FUBP3: variants seen among roughly 807,000 people sequenced by gnomAD.
The protein encoded by FUBP3 is far upstream element-binding protein 3.
FUBP3 carries 28 observed loss-of-function variants against 85.6 expected under a neutral mutation model. The observed-to-expected ratio is 0.33, with a 90% CI of 0.24 to 0.45. The LOEUF (loss-of-function observed/expected upper bound fraction) is 0.45. Among genes scored for constraint, FUBP3 ranks in the 20% least tolerant of loss-of-function variants. The probability of loss-of-function intolerance (pLI) is 1.00; values close to 1 mark genes in which losing one functional copy is unlikely to be tolerated. For missense variants in FUBP3, 583 were observed against 755.1 expected, an observed-to-expected ratio of 0.77 and a Z score of 2.67; for synonymous variants, 271 against 271.4, an observed-to-expected ratio of 1.00 and a Z score of 0.01.
At chr9:130,591,548 T>G (rs1463042413) in intron 1 of FUBP3, among the ~76,000 whole-genome samples, 2 of 152,200 alleles carry the variant, frequency 1.3e-5, no homozygotes, top group Non-Finnish European at 2.9e-5. Flanking sequence ...GTATATTGCT[T>G]CTTTACAGAA....
rs1830046604 is a variant in FUBP3 at position 130,579,702 on chromosome 9, C to A, written c.22C>A (p.Gln8Lys). 4.7e-6 allele frequency: 6 copies of A among 1,266,140 alleles called. No individual in the cohort carries two copies. Among genetic ancestry groups the A allele is most frequent in the Non-Finnish European group, 6.0e-6 (6 of 1,003,066 alleles). The allele number at this position is 1,266,140 out of a possible 1,614,324, so 78.4% of individuals were successfully genotyped here. The change falls in exon 1 of 19, where the codon CAG (glutamine) becomes AAG (lysine). Residue 8 changes from glutamine to lysine, a missense_variant. Gln to Lys is a moderately conservative substitution (Grantham distance 53, BLOSUM62 1). This residue lies in a region of FUBP3 where 177 missense variants were observed against 221.9 expected (regional missense o/e 0.80). Transcript: ENST00000319725. MAELVQGQSAPVGMKAEG... is the reference protein window; with the variant it reads MAELVQGKSAPVGMKAEG... Reference sequence around the variant, plus strand: ...GGTAATGGCGGAGCTGGTGCAGGGGCAGAGCGCTCCTGTGGGGATGAAGGC... The same window carrying A: ...GGTAATGGCGGAGCTGGTGCAGGGGAAGAGCGCTCCTGTGGGGATGAAGGC...
rs1832099015 is a variant in FUBP3 at position 130,618,089 on chromosome 9, G to T, written c.666+194G>T. On this transcript the variant is annotated intron_variant, in intron 8 of 18. Coordinates refer to ENST00000319725, the MANE Select transcript of FUBP3 (RefSeq NM_003934.2). ...CCAAAACCAGAGTCCTTAGCTACTT[G>T]TGGCTATTTAAATTCACTCAGATTA... Among the ~76,000 whole-genome samples, 3 of 152,308 alleles carry T rather than the reference G, an allele frequency of 2.0e-5. No individual in the cohort carries two copies. The South Asian group carries it at 6.2e-4, about 32-fold the overall frequency.
Position 130,616,601 on chromosome 9 carries a change from G to A in FUBP3, c.567+84G>A. ...GGCCCAGGAGATCTGCTTACGGCTG[G>A]CATTCCCTGGCTGGGCTGGCTTTGT... On this transcript the variant is annotated intron_variant, in intron 7 of 18. Coordinates refer to ENST00000319725, the MANE Select transcript of FUBP3 (RefSeq NM_003934.2). The surrounding 1 kb of genome is among the most constrained non-coding windows in gnomAD (Gnocchi z 4.7). 3.1e-6 allele frequency: 4 copies of A among 1,301,560 alleles called. No homozygotes were observed. Among genetic ancestry groups the A allele is most frequent in the South Asian group, 2.5e-5 (2 of 78,818 alleles). The allele number at this position is 1,301,560 out of a possible 1,614,324, so 80.6% of individuals were successfully genotyped here. A position where few individuals can be genotyped will look rare whatever the true frequency, so the allele number is the denominator to read the frequency against.
At chr9:130,610,770 T>G (rs1831703680) in intron 3 of FUBP3, among the ~76,000 whole-genome samples, 1 of 152,242 alleles carries the variant, frequency 6.6e-6, no homozygotes, top group Non-Finnish European at 1.5e-5. Context: ...TCTGCCTAGG[T>G]GTTTGGGAGT....
intron 8 of FUBP3, 67 bp downstream of exon 8, chr9:130,617,962 C>T (rs1215227700): frequency 1.4e-6 from 1 of 701,438 alleles, no homozygotes; most frequent in Non-Finnish European, 2.5e-6. Flanking sequence ...TACCCTAGAG[C>T]TTTTATCTTC....
intron 6 of FUBP3, 83 bp downstream of exon 6, chr9:130,614,428 T>C: frequency 1.2e-6 from 1 of 839,980 alleles, no homozygotes; most frequent in South Asian, 1.4e-5. Context: ...ACACTGTTAC[T>C]GAACACTGAG....
At chr9:130,606,501 T>TG (rs1433925287) in intron 2 of FUBP3, among the ~76,000 whole-genome samples, 1 of 152,126 alleles carries the variant, frequency 6.6e-6, no homozygotes, top group Admixed American at 6.6e-5. Flanking sequence ...TTCCTTGTGC[T>TG]GGGGTGGGAG....
chr9:130,607,676 G>A (rs766824918), intron 2 of FUBP3, among the ~76,000 whole-genome samples: 10 of 152,122 alleles, frequency 6.6e-5, no homozygotes, highest in African/African-American at 1.9e-4. Flanking sequence ...AGTACCCAGC[G>A]CCCCTGATCT....
At chr9:130,620,543 C>T (rs1588151244) in intron 9 of FUBP3, 85 bp downstream of exon 9, 4 of 632,828 alleles carry the variant, frequency 6.3e-6, no homozygotes, top group African/African-American at 1.9e-5. Context: ...TAACCCTGAG[C>T]AAGTTAGTTA....
chr9:130,588,489 T>A (rs559916014), intron 1 of FUBP3, among the ~76,000 whole-genome samples: 2 of 152,308 alleles, frequency 1.3e-5, no homozygotes, highest in Admixed American at 6.5e-5. Context: ...TATAAACTTA[T>A]GATCCATGTA....
chr9:130,631,367 C>T (rs1830202251), intron 13 of FUBP3, 190 bp from the exon 14 acceptor site: 39 of 1,398,634 alleles, frequency 2.8e-5, no homozygotes, highest in Non-Finnish European at 3.5e-5. Context: ...TGGTATTGGT[C>T]GCTGGAGGGC....
chr9:130,608,336 T>C (rs1193940714), intron 2 of FUBP3, among the ~76,000 whole-genome samples: 1 of 152,220 alleles, frequency 6.6e-6, no homozygotes, highest in African/African-American at 2.4e-5. Context: ...GGAATTCTGA[T>C]AGCAATCAGG....
chr9:130,587,813 A>G (rs1288128477), intron 1 of FUBP3, among the ~76,000 whole-genome samples: 1 of 152,146 alleles, frequency 6.6e-6, no homozygotes, highest in Non-Finnish European at 1.5e-5. Context: ...CTCAGCTCTC[A>G]TAGTGGGGAG....
chr9:130,583,299 G>A (rs929995044), intron 1 of FUBP3, among the ~76,000 whole-genome samples: 8 of 152,214 alleles, frequency 5.3e-5, no homozygotes, highest in Non-Finnish European at 1.2e-4. Context: ...TTTGGGATGT[G>A]TGTTGTATAC....
intron 2 of FUBP3, among the ~76,000 whole-genome samples, chr9:130,603,586 G>A (rs1016018110): frequency 6.6e-6 from 1 of 152,126 alleles, no homozygotes; most frequent in African/African-American, 2.4e-5. Flanking sequence ...TTTTCCCCTT[G>A]GCAAAGCATC....
At chr9:130,619,958 GCT>G in intron 8 of FUBP3, among the ~76,000 whole-genome samples, 1 of 152,274 alleles carries the variant, frequency 6.6e-6, no homozygotes, top group South Asian at 2.1e-4. Context: ...CTCAGTGGGC[GCT>G]CTTAGACACC....
chr9:130,614,076 C>T lies in FUBP3; in HGVS notation c.347-212C>T, dbSNP rs566527665. Among the ~76,000 whole-genome samples the T allele has an allele frequency of 2.1e-3, 326 of 152,380 alleles. 1 individual carries two copies. Among genetic ancestry groups the T allele is most frequent in the Non-Finnish European group, 4.1e-3 (281 of 68,040 alleles). ...ACAGACCTCTGTCACGTCCTTCTAGCTTCCCCTGTGGGACTTGTTTCTACT... is the reference window on the plus strand; with the variant it reads ...ACAGACCTCTGTCACGTCCTTCTAGTTTCCCCTGTGGGACTTGTTTCTACT... On this transcript the variant is annotated intron_variant, in intron 5 of 18. Transcript: ENST00000319725.
chr9:130,585,719 C>G (rs1213890767), intron 1 of FUBP3, among the ~76,000 whole-genome samples: 1 of 152,194 alleles, frequency 6.6e-6, no homozygotes, highest in African/African-American at 2.4e-5. Context: ...TTCCATGGAA[C>G]CAAATCACAT....
chr9:130,636,310 C>G (rs1312047299), intron 18 of FUBP3, 184 bp downstream of exon 18: 1 of 715,362 alleles, frequency 1.4e-6, no homozygotes, highest in East Asian at 2.7e-5. Flanking sequence ...CCTCCTCGCT[C>G]TGGAGAAAAA....
Sources: allele counts gnomAD v4.1 joint callset (sites outside exome capture counted in the v4.1 genomes callset), GRCh38; gene constraint gnomAD v4.1.1; regional missense constraint gnomAD v4.1.1; non-coding constraint Gnocchi (gnomAD v3.1); transcripts MANE v1.5; gene names NCBI Gene and HGNC (gene_info 2026-07-23, HGNC 2026-07-21).